SCN8A: variants seen among roughly 807,000 people sequenced by gnomAD.
The protein encoded by SCN8A is sodium voltage-gated channel alpha subunit 8, also known as sodium channel protein type 8 subunit alpha.
A neutral mutation model predicts 184.1 loss-of-function variants in SCN8A; 30 were observed. The observed-to-expected ratio is 0.16, with a 90% CI of 0.12 to 0.22. The LOEUF (loss-of-function observed/expected upper bound fraction) is 0.22. Among genes scored for constraint, SCN8A ranks in the 10% least tolerant of loss-of-function variants. SCN8A has a pLI of 1.00. For missense variants in SCN8A, 1,057 were observed against 2,498.9 expected (o/e 0.42, Z 12.30); for synonymous variants, 852 against 907.0 (o/e 0.94, Z 1.09).
intron 21 of SCN8A, among the ~76,000 whole-genome samples, chr12:51,784,482 G>A (rs1938021234): frequency 6.6e-6 from 1 of 152,092 alleles, no homozygotes. Flanking sequence ...TTGAACCTGA[G>A]AAGGGCCTCC....
chr12:51,702,720 A>T, intron 8 of SCN8A, 53 bp from the exon 9 acceptor site: 2 of 1,425,508 alleles, frequency 1.4e-6, no homozygotes, highest in African/African-American at 1.5e-5. Flanking sequence ...CTCCAAGGTC[A>T]TGGCTGGGTG....
At chr12:51,609,322 G>A (rs1244945111) in intron 1 of SCN8A, among the ~76,000 whole-genome samples, 1 of 152,204 alleles carries the variant, frequency 6.6e-6, no homozygotes, top group African/African-American at 2.4e-5. Context: ...AAATGGATTT[G>A]TAGTTAAATC....
At chr12:51,742,383 G>A (rs965380337) in intron 12 of SCN8A, among the ~76,000 whole-genome samples, 6 of 152,262 alleles carry the variant, frequency 3.9e-5, no homozygotes, top group Admixed American at 3.3e-4. Context: ...CAGGTCTGGT[G>A]TTGATGAAAT....
intron 12 of SCN8A, among the ~76,000 whole-genome samples, chr12:51,733,248 G>A (rs2138804273): frequency 6.6e-6 from 1 of 152,138 alleles, no homozygotes; most frequent in East Asian, 1.9e-4. Flanking sequence ...AGTTTTTTGA[G>A]GGTTTTTAAC....
chr12:51,643,845 G>A (rs1051489556), intron 1 of SCN8A, among the ~76,000 whole-genome samples: 7 of 152,174 alleles, frequency 4.6e-5, no homozygotes, highest in Non-Finnish European at 7.3e-5. Flanking sequence ...GACAGATAAT[G>A]ACTTAGGAGA....
chr12:51,728,327 T>C (rs1182994604), intron 12 of SCN8A, among the ~76,000 whole-genome samples: 1 of 152,106 alleles, frequency 6.6e-6, no homozygotes, highest in Admixed American at 6.5e-5. Context: ...ATCCCCCTTA[T>C]CTACAATAAA....
chr12:51,602,809 A>G (rs555418172), intron 1 of SCN8A, among the ~76,000 whole-genome samples: 1 of 152,276 alleles, frequency 6.6e-6, no homozygotes, highest in Non-Finnish European at 1.5e-5. Flanking sequence ...TCCTAGTGGG[A>G]GACCTATTCC....
At chr12:51,744,943 G>T (rs1485028095) in intron 12 of SCN8A, among the ~76,000 whole-genome samples, 1 of 152,100 alleles carries the variant, frequency 6.6e-6, no homozygotes, top group Non-Finnish European at 1.5e-5. Flanking sequence ...GCTGCTGATT[G>T]TCTCTGTCCT....
At chr12:51,628,885 A>G (rs1054077957) in intron 1 of SCN8A, among the ~76,000 whole-genome samples, 6 of 152,174 alleles carry the variant, frequency 3.9e-5, no homozygotes, top group African/African-American at 1.4e-4. Flanking sequence ...GGGCAACATG[A>G]TGTAGACATG....
chr12:51,742,622 T>G (rs1942445458), intron 12 of SCN8A, among the ~76,000 whole-genome samples: 1 of 151,622 alleles, frequency 6.6e-6, no homozygotes, highest in African/African-American at 2.4e-5. Context: ...GCTTTTAGGA[T>G]CCTTTCTTTA....
At chr12:51,795,881 A>G (rs1160134600) in intron 26 of SCN8A, among the ~76,000 whole-genome samples, 3 of 82,682 alleles carry the variant, frequency 3.6e-5, no homozygotes, top group African/African-American at 7.3e-5. Context: ...TCTATCTCTG[A>G]AAAAAAAAAA....
At chr12:51,786,085 G>T (rs1171080305) in intron 21 of SCN8A, among the ~76,000 whole-genome samples, 2 of 152,102 alleles carry the variant, frequency 1.3e-5, no homozygotes, top group Non-Finnish European at 2.9e-5. Context: ...CTGTTAACTG[G>T]CTCTCTATTA....
At chr12:51,774,764 G>T (rs949011400) in intron 20 of SCN8A, among the ~76,000 whole-genome samples, 3 of 152,172 alleles carry the variant, frequency 2.0e-5, no homozygotes, top group Non-Finnish European at 4.4e-5. Flanking sequence ...TGGGACGAAG[G>T]TGGTAGTGGG....
chr12:51,593,309 A>C (rs1939272670), intron 1 of SCN8A, among the ~76,000 whole-genome samples: 1 of 152,064 alleles, frequency 6.6e-6, no homozygotes, highest in Non-Finnish European at 1.5e-5. Flanking sequence ...GGTATATGTA[A>C]ATGTGTTGTG....
intron 6 of SCN8A, among the ~76,000 whole-genome samples, chr12:51,690,716 G>A (rs1160868696): frequency 6.6e-6 from 1 of 152,140 alleles, no homozygotes; most frequent in Non-Finnish European, 1.5e-5. Context: ...GATAGAGAGG[G>A]AAGCACAAAG....
chr12:51,744,051 C>T (rs1193400892), intron 12 of SCN8A, among the ~76,000 whole-genome samples: 1 of 152,096 alleles, frequency 6.6e-6, no homozygotes, highest in Non-Finnish European at 1.5e-5. Flanking sequence ...TCTGTAATCC[C>T]AGCGTTTTGG....
In SCN8A at chr12:51,619,849, G is replaced by A. The variant is rs187677321; in HGVS notation, c.-55+28490G>A. 6.8e-4 allele frequency among the ~76,000 whole-genome samples: 104 copies of A among 152,260 alleles called. 1 individual carries two copies. Among genetic ancestry groups the A allele is most frequent in the African/African-American group, 2.4e-3 (99 of 41,562 alleles). The stretch of plus-strand genomic sequence containing the variant: ...GACAGTCAGTTCCCAATCCTCAAAT[G>A]TTGGTTGGATTAAAGCTTTTCTTCT... On this transcript the variant is annotated intron_variant, in intron 1 of 26. Transcript: ENST00000627620.
At chr12:51,644,176 G>A (rs1940512871) in intron 1 of SCN8A, among the ~76,000 whole-genome samples, 1 of 152,168 alleles carries the variant, frequency 6.6e-6, no homozygotes, top group Non-Finnish European at 1.5e-5. Context: ...TTAGTTAAGT[G>A]TTATGATCTC....
At chr12:51,598,983 A>G (rs1017213869) in intron 1 of SCN8A, among the ~76,000 whole-genome samples, 5 of 152,174 alleles carry the variant, frequency 3.3e-5, no homozygotes, top group Non-Finnish European at 7.4e-5. Context: ...TTAATGTGCA[A>G]GTTAGTTTGG....
Sources: allele counts gnomAD v4.1 joint callset (sites outside exome capture counted in the v4.1 genomes callset), GRCh38; gene constraint gnomAD v4.1.1; transcripts MANE v1.5; gene names NCBI Gene and HGNC (gene_info 2026-07-23, HGNC 2026-07-21).